LARP1B: variants seen among roughly 807,000 people sequenced by gnomAD.
LARP1B encodes the protein la-related protein 1B.
Under a neutral mutation model 114.2 loss-of-function variants are expected in LARP1B, and 76 were observed. The observed-to-expected ratio is 0.67, with a 90% CI of 0.55 to 0.81. The LOEUF (loss-of-function observed/expected upper bound fraction) is 0.81. Ranked by LOEUF, LARP1B falls within the 30% of genes least tolerant of loss-of-function variation. The pLI is 0.00. For missense variants in LARP1B, 1,014 were observed against 1,075.8 expected (o/e 0.94, Z 0.80); for synonymous variants, 345 against 348.0 (o/e 0.99, Z 0.10).
In LARP1B at chr4:128,176,888, G is replaced by A; in HGVS notation, c.1665G>A (p.Val555=). 1 of 1,614,034 alleles carries A rather than the reference G, an allele frequency of 6.2e-7. No individual in the cohort carries two copies. The highest frequency in any genetic ancestry group is 8.5e-7 in the Non-Finnish European group (1 of 1,179,892). ...TCTTGGCAGGAGGTGTTCAAGGAGT[G>A]CTTCACATTCCCAAGAAAGGTAACA... ...SQSRQGGVQG[V]LHIPKKDLTD... The change falls in exon 13 of 20, where the codon GTG becomes GTA. Residue 555 remains valine, a synonymous_variant. Transcript: ENST00000326639.
At chr4:128,166,993 T>TACACAC (rs1554050281) in intron 12 of LARP1B, among the ~76,000 whole-genome samples, 9 of 138,350 alleles carry the variant, frequency 6.5e-5, no homozygotes, top group African/African-American at 2.2e-4. Context: ...TATATATATA[T>TACACAC]ACACACACAC....
chr4:128,120,841 C>T (rs1448758426), intron 10 of LARP1B, among the ~76,000 whole-genome samples: 2 of 139,086 alleles, frequency 1.4e-5, no homozygotes, highest in South Asian at 2.3e-4. Context: ...GACAGAGTCT[C>T]GCTCTGTCTC....
In LARP1B at chr4:128,085,025, G is replaced by A. The variant is rs772145954; in HGVS notation, c.358+2720G>A. 3.0e-4 allele frequency among the ~76,000 whole-genome samples: 45 copies of A among 151,808 alleles called. 1 individual carries two copies. The highest frequency in any genetic ancestry group is 9.0e-4 in the African/African-American group (37 of 41,300). On this transcript the variant is annotated intron_variant, in intron 5 of 19. Coordinates refer to ENST00000326639, the MANE Select transcript of LARP1B (RefSeq NM_018078.4). Reference sequence around the variant, plus strand: ...ACTACAGGCACATGCCACCACACCCGGCTAATTTTTAAATTTTTAGTAGAG... The same window carrying A: ...ACTACAGGCACATGCCACCACACCCAGCTAATTTTTAAATTTTTAGTAGAG...
At chr4:128,062,826 G>C (rs1760799670) in intron 1 of LARP1B, among the ~76,000 whole-genome samples, 1 of 151,802 alleles carries the variant, frequency 6.6e-6, no homozygotes, top group Non-Finnish European at 1.5e-5. Context: ...ATGACGAGTT[G>C]ATGGGTGCAG....
intron 11 of LARP1B, among the ~76,000 whole-genome samples, chr4:128,147,936 G>A (rs772338463): frequency 6.6e-6 from 1 of 151,592 alleles, no homozygotes; most frequent in Non-Finnish European, 1.5e-5. Flanking sequence ...TTTTGAAATT[G>A]GCTCCTGAGT....
intron 8 of LARP1B, among the ~76,000 whole-genome samples, chr4:128,101,801 CTGCCATTG>C (rs367919601): frequency 9.4e-4 from 143 of 152,238 alleles, no homozygotes; most frequent in African/African-American, 3.2e-3. Context: ...TTATTAACTG[CTGCCATTG>C]TGCTATAGCA....
intron 7 of LARP1B, among the ~76,000 whole-genome samples, chr4:128,097,362 C>T (rs1778453977): frequency 6.6e-6 from 1 of 151,812 alleles, no homozygotes; most frequent in East Asian, 2.0e-4. Flanking sequence ...GGCTGGAGTG[C>T]AATGACGCGA....
chr4:128,186,542 A>C (rs1021359696), intron 15 of LARP1B, among the ~76,000 whole-genome samples: 1 of 152,134 alleles, frequency 6.6e-6, no homozygotes, highest in Non-Finnish European at 1.5e-5. Flanking sequence ...TTTTTGGTGG[A>C]GTCTTTAGAT....
At chr4:128,114,202 T>C (rs1224229669) in intron 9 of LARP1B, among the ~76,000 whole-genome samples, 1 of 152,214 alleles carries the variant, frequency 6.6e-6, no homozygotes, top group East Asian at 1.9e-4. Flanking sequence ...TATGGCTTAA[T>C]AGCAACTGAG....
intron 11 of LARP1B, among the ~76,000 whole-genome samples, chr4:128,142,222 C>T (rs184755879): frequency 6.6e-6 from 1 of 152,340 alleles, no homozygotes; most frequent in Admixed American, 6.5e-5. Flanking sequence ...GGACCAACAC[C>T]TAACTTCTGT....
At position 128,194,228 on chromosome 4, in the gene LARP1B, A is replaced by C. The variant is rs768558893; in HGVS notation, c.2004-5211A>C. On this transcript the variant is annotated intron_variant, in intron 15 of 19. Transcript: ENST00000326639. ...GCTGGGATTACAGGTGCCCGCTACC[A>C]CACCCGGCTAATTTTTGTATTTTAA... Among the ~76,000 whole-genome samples, 102 of 151,926 alleles carry C rather than the reference A, an allele frequency of 6.7e-4. 1 individual carries two copies. Among genetic ancestry groups the C allele is most frequent in the Middle Eastern group, 3.4e-3 (1 of 294 alleles).
chr4:128,093,112 C>G, intron 7 of LARP1B: 1 of 901,612 alleles, frequency 1.1e-6, no homozygotes, highest in Non-Finnish European at 1.3e-6. Context: ...TGTTGTTGTT[C>G]TAGCAGTAGG....
chr4:128,161,610 CACTT>C (rs1309921457), intron 11 of LARP1B, among the ~76,000 whole-genome samples: 2 of 152,148 alleles, frequency 1.3e-5, no homozygotes, highest in Non-Finnish European at 2.9e-5. Context: ...TTTTCTTAGT[CACTT>C]AATTACTTTG....
chr4:128,082,888 A>G (rs2149468999), intron 5 of LARP1B, among the ~76,000 whole-genome samples: 1 of 149,778 alleles, frequency 6.7e-6, no homozygotes, highest in East Asian at 2.0e-4. Context: ...GGGTCATAGG[A>G]CAATAGTGGA....
chr4:128,143,882 G>A (rs546830298), intron 11 of LARP1B, among the ~76,000 whole-genome samples: 7 of 151,090 alleles, frequency 4.6e-5, no homozygotes, highest in African/African-American at 1.7e-4. Flanking sequence ...TGATGGGAAC[G>A]GTCCAGTGTA....
At chr4:128,127,700 G>A (rs1236261925) in intron 11 of LARP1B, among the ~76,000 whole-genome samples, 1 of 152,220 alleles carries the variant, frequency 6.6e-6, no homozygotes, top group Non-Finnish European at 1.5e-5. Flanking sequence ...GGGCATGGTG[G>A]TGTGTGCCTA....
At chr4:128,124,820 AGT>A (rs1284675627) in intron 11 of LARP1B, among the ~76,000 whole-genome samples, 1 of 152,198 alleles carries the variant, frequency 6.6e-6, no homozygotes, top group Non-Finnish European at 1.5e-5. Flanking sequence ...TGTATAGGAA[AGT>A]GTGTTGTTGT....
chr4:128,157,540 A>C (rs1736375313), intron 11 of LARP1B, among the ~76,000 whole-genome samples: 1 of 152,220 alleles, frequency 6.6e-6, no homozygotes, highest in Admixed American at 6.5e-5. Context: ...AGAAAACCTC[A>C]TCAAGACCAT....
intron 3 of LARP1B, 25 bp downstream of exon 3, chr4:128,075,018 T>C: frequency 6.6e-7 from 1 of 1,520,288 alleles, no homozygotes; most frequent in Non-Finnish European, 9.0e-7. Context: ...AAAGTTTTTT[T>C]TTTTAAAGAA....
Sources: allele counts gnomAD v4.1 joint callset (sites outside exome capture counted in the v4.1 genomes callset), GRCh38; gene constraint gnomAD v4.1.1; transcripts MANE v1.5; gene names NCBI Gene and HGNC (gene_info 2026-07-23, HGNC 2026-07-21).